The following LTBP1 variants were observed in gnomAD, a reference collection of about 807,000 sequenced individuals.
LTBP1 encodes the protein latent transforming growth factor beta binding protein 1.
LTBP1 carries 129 observed loss-of-function variants against 207.6 expected under a neutral mutation model. That is an observed-to-expected ratio of 0.62 (90% CI 0.54 to 0.72). The LOEUF (loss-of-function observed/expected upper bound fraction) is 0.72. Among genes scored for constraint, LTBP1 ranks in the 30% least tolerant of loss-of-function variants. The pLI is 0.00. For synonymous variants in LTBP1, 963 were observed against 833.7 expected (o/e 1.16, Z -2.67); for missense variants, 2,281 against 2,217.2 (o/e 1.03, Z -0.58).
At chr2:33,239,280 T>C (rs546036374) in intron 9 of LTBP1, among the ~76,000 whole-genome samples, 3 of 152,336 alleles carry the variant, frequency 2.0e-5, no homozygotes, top group South Asian at 2.1e-4. Flanking sequence ...TCTTTCCTAG[T>C]TTCTGTTTCT....
rs1265125470 is a variant in LTBP1 at position 33,271,970 on chromosome 2, C to T, written c.2618-1686C>T. On this transcript the variant is annotated intron_variant, in intron 15 of 33. Transcript: ENST00000404816. ...TTTTCACTATAAACAAATGTATCTT[C>T]CTGAAAGTGAATTAACATAACTAGA... Among the ~76,000 whole-genome samples, 6 of 152,106 alleles carry T rather than the reference C, an allele frequency of 3.9e-5. No individual in the cohort carries two copies. The South Asian group carries it at 1.0e-3, about 26-fold the overall frequency.
chr2:33,387,734 G>GC (rs2095279086), intron 31 of LTBP1, among the ~76,000 whole-genome samples: 1 of 48,020 alleles, frequency 2.1e-5, no homozygotes, highest in Non-Finnish European at 3.4e-5. Context: ...TGCCTTGGTG[G>GC]GGTTTTTTTT....
intron 5 of LTBP1, among the ~76,000 whole-genome samples, chr2:33,161,798 A>G (rs923299605): frequency 6.6e-6 from 1 of 152,252 alleles, no homozygotes; most frequent in Non-Finnish European, 1.5e-5. Flanking sequence ...ATTGTAGACT[A>G]TAAACATTCA....
chr2:33,159,240 C>A (rs2084257500), intron 5 of LTBP1, among the ~76,000 whole-genome samples: 1 of 152,160 alleles, frequency 6.6e-6, no homozygotes. Flanking sequence ...CGTCCTATCA[C>A]AAATAATGAA....
rs746333137 is a variant in LTBP1 at position 33,002,025 on chromosome 2, G to T, written c.566-18884G>T. Among the ~76,000 whole-genome samples, 8 of 134,656 alleles carry T rather than the reference G, an allele frequency of 5.9e-5. 2 individuals are homozygous for T. The highest frequency in any genetic ancestry group is 1.6e-4 in the African/African-American group (6 of 38,504). The allele number at this position is 134,656 out of a possible 152,430, so 88.3% of individuals were successfully genotyped here. On this transcript the variant is annotated intron_variant, in intron 2 of 33. Transcript: ENST00000404816. ...CAGCAAACACATGCTCATGGTCACTGCTGTCTAGGTCAGAGGCCTTCAAAG... is the reference window on the plus strand; with the variant it reads ...CAGCAAACACATGCTCATGGTCACTTCTGTCTAGGTCAGAGGCCTTCAAAG...
chr2:33,037,425 A>G (rs1371666401), intron 3 of LTBP1, among the ~76,000 whole-genome samples: 3 of 152,182 alleles, frequency 2.0e-5, no homozygotes, highest in Admixed American at 2.0e-4. Context: ...ACCCACTGTC[A>G]TCTTTTCAAG....
intron 25 of LTBP1, among the ~76,000 whole-genome samples, chr2:33,347,117 C>CAAAAAAA (rs775058448): frequency 7.7e-5 from 4 of 51,998 alleles, no homozygotes; most frequent in African/African-American, 2.2e-4. Context: ...GACTCCGTCT[C>CAAAAAAA]AAAAAAAAAA....
At chr2:33,326,981 A>G (rs1204248706) in intron 24 of LTBP1, among the ~76,000 whole-genome samples, 2 of 151,802 alleles carry the variant, frequency 1.3e-5, no homozygotes, top group Non-Finnish European at 2.9e-5. Context: ...AATTCTTAGG[A>G]CTCTTGGCTG....
intron 3 of LTBP1, chr2:33,056,418 GT>G (rs908767161): frequency 6.5e-6 from 7 of 1,074,826 alleles, no homozygotes; most frequent in Non-Finnish European, 9.0e-6. Context: ...CTGGGCGATG[GT>G]GACTTTGCCC....
At chr2:33,059,231 T>C (rs112173648) in intron 3 of LTBP1, among the ~76,000 whole-genome samples, 68 of 152,346 alleles carry the variant, frequency 4.5e-4, no homozygotes, top group African/African-American at 1.5e-3. Flanking sequence ...TATTTTGGAT[T>C]CCAAGGTCTT....
At chr2:33,384,991 A>T (rs74468858) in intron 31 of LTBP1, among the ~76,000 whole-genome samples, 3,902 of 152,272 alleles carry the variant, frequency 0.026, 62 homozygotes, top group South Asian at 0.05. Context: ...CACTTCTATA[A>T]ACCTATTCTC....
At chr2:33,215,014 T>C (rs2090576179) in intron 7 of LTBP1, among the ~76,000 whole-genome samples, 1 of 152,152 alleles carries the variant, frequency 6.6e-6, no homozygotes, top group South Asian at 2.1e-4. Context: ...AGAGGGCAAT[T>C]AGACTAACCT....
At chr2:33,075,249 C>T (rs954626191) in intron 3 of LTBP1, among the ~76,000 whole-genome samples, 1 of 152,134 alleles carries the variant, frequency 6.6e-6, no homozygotes, top group Non-Finnish European at 1.5e-5. Flanking sequence ...GAAAAATTAG[C>T]TTTGATTCAA....
chr2:33,389,400 G>C, intron 32 of LTBP1, 94 bp downstream of exon 32: 2 of 1,533,302 alleles, frequency 1.3e-6, no homozygotes, highest in Non-Finnish European at 1.8e-6. Context: ...TAGCAATGCA[G>C]CATTTCTGGT....
rs1262891079 is a variant in LTBP1, at chr2:33,180,240, C to G, written c.1202-6616C>G. On this transcript the variant is annotated intron_variant, in intron 5 of 33. Coordinates refer to ENST00000404816, the MANE Select transcript of LTBP1 (RefSeq NM_206943.4). Reference sequence around the variant, plus strand: ...ATTGAAGATAGGCAGTTTTAGAACACAACAACTGTAAATCTCCACATTCCA... The same window carrying G: ...ATTGAAGATAGGCAGTTTTAGAACAGAACAACTGTAAATCTCCACATTCCA... Among the ~76,000 whole-genome samples, 4 of 152,260 alleles carry G rather than the reference C, an allele frequency of 2.6e-5. No individual in the cohort carries two copies. In the South Asian group the frequency reaches 8.3e-4, roughly 32 times the overall value.
At chr2:33,174,045 TATC>T (rs1257312876) in intron 5 of LTBP1, among the ~76,000 whole-genome samples, 1 of 141,058 alleles carries the variant, frequency 7.1e-6, no homozygotes, top group African/African-American at 2.5e-5. Context: ...CCACAGCCAA[TATC>T]ATACTGAATG....
In LTBP1 at chr2:33,252,777, G is replaced by A; in HGVS notation, c.2100G>A (p.Gln700=). The change falls in exon 11 of 34, where the codon CAG becomes CAA. Residue 700 remains glutamine, a synonymous_variant. Coordinates refer to ENST00000404816, the MANE Select transcript of LTBP1 (RefSeq NM_206943.4). ...MHPLSVHLTK[Q]LCCCSVGKAW... is the part of the protein sequence containing the mutation. ...CTCTGTCTGTTCACCTCACCAAGCAGCTCTGCTGTTGTAGTGTGGGCAAGG... is the reference window on the plus strand; with the variant it reads ...CTCTGTCTGTTCACCTCACCAAGCAACTCTGCTGTTGTAGTGTGGGCAAGG... The A allele has an allele frequency of 6.2e-7, 1 of 1,614,004 alleles. No homozygotes were observed.
chr2:33,188,807 A>G lies in LTBP1; in HGVS notation c.1657A>G (p.Lys553Glu), dbSNP rs750949720. 68 of 1,614,078 alleles carry G rather than the reference A, an allele frequency of 4.2e-5. No individual in the cohort carries two copies. The highest frequency in any genetic ancestry group is 5.6e-5 in the Non-Finnish European group (66 of 1,180,030). Reference sequence around the variant, plus strand: ...TCCTCACGTCTACCCCGTGGCTGCTAAGACACAGCTTGGCCGGTGCTTCCA... The same window carrying G: ...TCCTCACGTCTACCCCGTGGCTGCTGAGACACAGCTTGGCCGGTGCTTCCA... ...VIPHVYPVAA[K>E]TQLGRCFQET... Residue 553 changes from lysine (K) to glutamate (E), a missense_variant, in exon 7 of 34, where the codon AAG becomes GAG. This residue lies in a region of LTBP1 where 1,671 missense variants were observed against 1,634.8 expected (regional missense o/e 1.02). Transcript: ENST00000404816.
chr2:33,384,899 AT>A (rs1164480044), intron 31 of LTBP1, among the ~76,000 whole-genome samples: 1 of 152,094 alleles, frequency 6.6e-6, no homozygotes, highest in African/African-American at 2.4e-5. Flanking sequence ...CATGCTAGAA[AT>A]TTGCCTGTAC....
Sources: gnomAD v4.1 joint callset for allele counts (sites outside exome capture counted in the v4.1 genomes callset) on GRCh38, gnomAD v4.1.1 for gene constraint, gnomAD v4.1.1 regional missense constraint, MANE v1.5 for transcripts, NCBI Gene and HGNC (gene_info 2026-07-23, HGNC 2026-07-21) for gene names.